The following CHD6 variants were observed in gnomAD, a reference collection of about 807,000 sequenced individuals.
CHD6 encodes the protein ATP-dependent chromatin remodeler CHD6.
A neutral mutation model predicts 276.9 loss-of-function variants in CHD6; 50 were observed. The ratio of observed to expected loss-of-function variants is 0.18; its 90% CI spans 0.14 to 0.23. The LOEUF (loss-of-function observed/expected upper bound fraction) is 0.23. Among genes scored for constraint, CHD6 ranks in the 10% least tolerant of loss-of-function variants. The probability of loss-of-function intolerance (pLI) is 1.00; values close to 1 mark genes in which losing one functional copy is unlikely to be tolerated. For synonymous variants in CHD6, 1,173 were observed against 1,229.3 expected, an observed-to-expected ratio of 0.95 and a Z score of 0.96; for missense variants, 2,564 against 3,365.8, an observed-to-expected ratio of 0.76 and a Z score of 5.89.
At chr20:41,618,317 A>G (rs2045956646) in intron 1 of CHD6, 23 bp downstream of exon 1, 1 of 151,624 alleles carries the variant, frequency 6.6e-6, no homozygotes, top group African/African-American at 2.4e-5. Context: ...GGAGGAAAAT[A>G]AAAAGTTAAG....
In CHD6 at chr20:41,472,518, C is replaced by T. The variant is rs534190269; in HGVS notation, c.2664+804G>A. Among the ~76,000 whole-genome samples the T allele has an allele frequency of 1.2e-4, 18 of 152,226 alleles. No homozygotes were observed. In the South Asian group the frequency reaches 3.3e-3, roughly 28 times the overall value. On this transcript the variant is annotated intron_variant, in intron 17 of 36. Transcript: ENST00000373233. ...GTTAGTAAATATCTCAAGATATATG[C>T]GATATACACTTAAGATGAAGTTCTT...
intron 27 of CHD6, among the ~76,000 whole-genome samples, chr20:41,428,675 G>A (rs1467715272): frequency 6.6e-6 from 1 of 152,114 alleles, no homozygotes; most frequent in Non-Finnish European, 1.5e-5. Context: ...ATAAACTTCA[G>A]GTGGAAAGCA....
chr20:41,509,610 C>T (rs147435918), intron 5 of CHD6, among the ~76,000 whole-genome samples: 27 of 152,242 alleles, frequency 1.8e-4, no homozygotes, highest in African/African-American at 4.3e-4. Context: ...GAGAGCACCA[C>T]GAGCCAAAGC....
rs555296520 is a variant in CHD6 at position 41,420,527 on chromosome 20, G to A, written c.6108C>T (p.Asp2036=). The A allele has an allele frequency of 1.4e-4, 233 of 1,611,444 alleles. 4 individuals are homozygous for A. The South Asian group carries it at 2.1e-3, about 14-fold the overall frequency. The change falls in exon 31 of 37, where the codon GAC becomes GAT. Residue 2036 remains aspartate, a synonymous_variant. Transcript: ENST00000373233. ...DFENKDDYDR[D]GNCHSQDYPG... ...CTGTACCTTGACTATGGCAGTTTCC[G>A]TCTCTATCATAATCATCTTTATTCT...
At chr20:41,493,289 A>T (rs571967221) in intron 10 of CHD6, among the ~76,000 whole-genome samples, 1 of 152,308 alleles carries the variant, frequency 6.6e-6, no homozygotes, top group East Asian at 1.9e-4. Context: ...CACACCAAGA[A>T]ATCTAAGCCA....
At position 41,421,437 on chromosome 20, in the gene CHD6, T is replaced by C. The variant is rs752896858; in HGVS notation, c.5198A>G (p.Asp1733Gly). 6.2e-6 allele frequency: 10 copies of C among 1,614,048 alleles called. No homozygotes were observed. In the African/African-American group the frequency reaches 1.3e-4, roughly 22 times the overall value. ...TTTGCTTATTGAGATGGTAATAACATCTTTTCTAGATTCAGTATTGGTACT... is the reference window on the plus strand; with the variant it reads ...TTTGCTTATTGAGATGGTAATAACACCTTTTCTAGATTCAGTATTGGTACT... ...SPSTNTESRK[D>G]VITISISKDG... The change falls in exon 31 of 37, where the codon GAT (aspartate) becomes GGT (glycine). Residue 1733 changes from aspartate (D) to glycine (G), a missense_variant. By Grantham distance (94) the Asp-to-Gly change is moderately conservative. Around this residue, in one of 7 missense-constraint regions of CHD6, gnomAD observed 1,024 missense variants for 1,047.9 expected, o/e 0.98. Coordinates refer to ENST00000373233, the MANE Select transcript of CHD6 (RefSeq NM_032221.5).
intron 5 of CHD6, among the ~76,000 whole-genome samples, chr20:41,506,726 C>A (rs1026820728): frequency 2.0e-5 from 3 of 152,164 alleles, no homozygotes; most frequent in Non-Finnish European, 4.4e-5. Context: ...CGTGTAGGTT[C>A]AAAATCTGGC....
chr20:41,584,876 T>G (rs2045577341), intron 1 of CHD6, among the ~76,000 whole-genome samples: 1 of 152,010 alleles, frequency 6.6e-6, no homozygotes, highest in Admixed American at 6.6e-5. Context: ...TCAATTAAAC[T>G]TCCACCTAAG....
intron 1 of CHD6, among the ~76,000 whole-genome samples, chr20:41,577,394 T>C (rs1365250684): frequency 6.6e-6 from 1 of 152,242 alleles, no homozygotes; most frequent in East Asian, 1.9e-4. Context: ...TGGTATCCTG[T>C]GTGAATCTGT....
chr20:41,404,035 T>C lies in CHD6; in HGVS notation c.*558A>G. On this transcript the variant is annotated 3_prime_UTR_variant, in exon 37 of 37. Transcript: ENST00000373233. ...TGTTTTTTATAAAGAAATGAATATA[T>C]GTATTTTCAACCATTAGTTATATAC... 4 of 1,047,770 alleles carry C rather than the reference T, an allele frequency of 3.8e-6. No homozygotes were observed. The highest frequency in any genetic ancestry group is 4.6e-5 in the South Asian group (1 of 21,804). The allele number at this position is 1,047,770 out of a possible 1,614,324, so 64.9% of individuals were successfully genotyped here.
rs531821442 is a variant in CHD6 at position 41,420,785 on chromosome 20, G to A, written c.5850C>T (p.Leu1950=). The A allele has an allele frequency of 2.4e-5, 39 of 1,614,156 alleles. No homozygotes were observed. The South Asian group carries it at 2.9e-4, about 12-fold the overall frequency. Residue 1950 remains leucine, a synonymous_variant, in exon 31 of 37, where the codon CTC becomes CTT. Transcript: ENST00000373233. The part of the protein sequence containing the change: ...CKHMERWMHG[L]ENDEFEIEKP... ...TCTCGATTTCAAATTCATCATTCTC[G>A]AGGCCATGCATCCACCTCTCCATGT...
At chr20:41,506,956 C>G (rs2043990645) in intron 5 of CHD6, among the ~76,000 whole-genome samples, 1 of 152,142 alleles carries the variant, frequency 6.6e-6, no homozygotes, top group Admixed American at 6.5e-5. Flanking sequence ...AACACAGAAG[C>G]CAGAGCACTT....
intron 1 of CHD6, among the ~76,000 whole-genome samples, chr20:41,579,434 T>C (rs933438983): frequency 1.7e-5 from 1 of 58,240 alleles, no homozygotes. Context: ...TGAGACTCTG[T>C]CTCAAAAAAA....
intron 1 of CHD6, among the ~76,000 whole-genome samples, chr20:41,555,183 C>G (rs2045208701): frequency 7.8e-6 from 1 of 128,822 alleles, no homozygotes; most frequent in Non-Finnish European, 1.6e-5. Context: ...TAGGGGCGGC[C>G]GGGCAGAGGC....
At chr20:41,524,624 G>A (rs1166015903) in intron 3 of CHD6, among the ~76,000 whole-genome samples, 1 of 152,146 alleles carries the variant, frequency 6.6e-6, no homozygotes, top group Non-Finnish European at 1.5e-5. Flanking sequence ...TTTGACTGAT[G>A]CCTCTCTAAC....
At chr20:41,595,915 C>T (rs926341142) in intron 1 of CHD6, among the ~76,000 whole-genome samples, 24 of 152,052 alleles carry the variant, frequency 1.6e-4, no homozygotes, top group Admixed American at 5.9e-4. Context: ...CCTGTGCTGG[C>T]GGCAGGGGCC....
intron 25 of CHD6, among the ~76,000 whole-genome samples, chr20:41,442,353 G>A (rs2047927363): frequency 6.6e-6 from 1 of 152,176 alleles, no homozygotes; most frequent in Non-Finnish European, 1.5e-5. Flanking sequence ...TTGGGAGGCT[G>A]AGGTGGACAG....
chr20:41,426,822 C>A (rs1435414581), intron 27 of CHD6, among the ~76,000 whole-genome samples: 1 of 152,144 alleles, frequency 6.6e-6, no homozygotes, highest in Non-Finnish European at 1.5e-5. Flanking sequence ...AGGAATGGAA[C>A]TTTAAAAACT....
intron 1 of CHD6, among the ~76,000 whole-genome samples, chr20:41,618,134 C>T (rs1215939239): frequency 6.7e-6 from 1 of 149,798 alleles, no homozygotes; most frequent in African/African-American, 2.4e-5. Flanking sequence ...GGCCGCAGGC[C>T]GCCGCCTGCC....
Sources: allele counts gnomAD v4.1 joint callset (sites outside exome capture counted in the v4.1 genomes callset), GRCh38; gene constraint gnomAD v4.1.1; regional missense constraint gnomAD v4.1.1; transcripts MANE v1.5; gene names NCBI Gene and HGNC (gene_info 2026-07-23, HGNC 2026-07-21).